Variants in ASIC4 observed in about 807,000 individuals in gnomAD.
ASIC4 encodes acid-sensing ion channel 4.
Under a neutral mutation model 53.4 loss-of-function variants are expected in ASIC4, and 28 were observed. That is an observed-to-expected ratio of 0.52 (90% CI 0.39 to 0.72). The LOEUF is 0.72. Among genes scored for constraint, ASIC4 ranks in the 30% least tolerant of loss-of-function variants. ASIC4 has a pLI of 0.00. For missense variants in ASIC4, 649 were observed against 729.7 expected (o/e 0.89, Z 1.27); for synonymous variants, 289 against 301.4 (o/e 0.96, Z 0.43).
In ASIC4 at chr2:219,531,767, C is replaced by T. The variant is rs922010300; in HGVS notation, c.592C>T (p.Arg198Cys). The T allele has an allele frequency of 1.9e-6, 3 of 1,599,158 alleles. No homozygotes were observed. Among genetic ancestry groups the T allele is most frequent in the South Asian group, 1.1e-5 (1 of 88,450 alleles). Residue 198 changes from arginine to cysteine, a missense_variant, in exon 2 of 10, where the codon CGC becomes TGC. Transcript: ENST00000358078. ...TCACCCCACCTCCCAGGTCTATACT[C>T]GCTATGGGAAGTGTTACACCTTCAA... ...SASNFSVVYTRYGKCYTFNAD... is the reference protein window; with the variant it reads ...SASNFSVVYTCYGKCYTFNAD...
chr2:219,531,716 C>A, intron 1 of ASIC4, 42 bp from the exon 2 acceptor site: 1 of 1,537,926 alleles, frequency 6.5e-7, no homozygotes, highest in Non-Finnish European at 8.8e-7. Context: ...GCCTTGGCCA[C>A]TCCTTTCATC....
chr2:219,532,283 G>C, intron 3 of ASIC4, 32 bp from the exon 4 acceptor site: 1 of 1,601,452 alleles, frequency 6.2e-7, no homozygotes, highest in South Asian at 1.1e-5. Flanking sequence ...TGGGATTCCT[G>C]AGCATGACCT....
rs115856377 is a variant in ASIC4, at chr2:219,531,760, C to T, written c.585C>T (p.Val195=). 61 of 1,591,888 alleles carry T rather than the reference C, an allele frequency of 3.8e-5. No homozygotes were observed. The African/African-American group carries it at 7.9e-4, about 21-fold the overall frequency. ...TGCTCTCTCACCCCACCTCCCAGGTCTATACTCGCTATGGGAAGTGTTACA... is the reference window on the plus strand; with the variant it reads ...TGCTCTCTCACCCCACCTCCCAGGTTTATACTCGCTATGGGAAGTGTTACA... ...HHCSASNFSV[V]YTRYGKCYTF... The change falls in exon 2 of 10, where the codon GTC becomes GTT. Residue 195 remains valine, a splice_region_variant and synonymous_variant. Transcript: ENST00000358078.
At position 219,537,385 on chromosome 2, in the gene ASIC4, C is replaced by CG. The variant is rs2105982628; in HGVS notation, c.1401+68dup. The CG allele has an allele frequency of 1.3e-6, 2 of 1,526,168 alleles. No homozygotes were observed. Among genetic ancestry groups the CG allele is most frequent in the East Asian group, 4.7e-5 (2 of 42,718 alleles). 94.5% of individuals were successfully genotyped at this position (1,526,168 alleles called of 1,614,324 possible). A position where few individuals can be genotyped will look rare whatever the true frequency, so the allele number is the denominator to read the frequency against. On this transcript the variant is annotated intron_variant, in intron 8 of 9. Transcript: ENST00000358078. The surrounding 1 kb of genome is among the most constrained non-coding windows in gnomAD (Gnocchi z 4.9). ...GTGGGCAAAGCAGAAGGGGGCAGTG[C>CG]GGGGTGCCTGGTGGAGCTGGCCTGG...
intron 1 of ASIC4, among the ~76,000 whole-genome samples, chr2:219,521,422 A>C (rs1384980720): frequency 6.6e-6 from 1 of 151,512 alleles, no homozygotes; most frequent in Non-Finnish European, 1.5e-5. Context: ...TCCTTCCTGG[A>C]CCCCCACCCC....
intron 1 of ASIC4, among the ~76,000 whole-genome samples, chr2:219,523,026 G>A (rs1347816426): frequency 1.3e-5 from 2 of 152,074 alleles, no homozygotes; most frequent in Non-Finnish European, 2.9e-5. Flanking sequence ...CTGTGTGTGC[G>A]GGAGAGGGCG....
chr2:219,510,294 C>G (rs1694684876), upstream of ASIC4, among the ~76,000 whole-genome samples: 1 of 151,962 alleles, frequency 6.6e-6, no homozygotes, highest in Non-Finnish European at 1.5e-5. This position sits in a 1 kb window ranked among gnomAD's most constrained non-coding sequence, Gnocchi z 5.2. Context: ...GCTTTCGCTG[C>G]TGCAAAGCCC....
chr2:219,514,897 G>A lies in ASIC4; in HGVS notation c.173G>A (p.Cys58Tyr). 4 of 1,612,606 alleles carry A rather than the reference G, an allele frequency of 2.5e-6. No homozygotes were observed. The highest frequency in any genetic ancestry group is 1.1e-5 in the South Asian group (1 of 91,030). Reference sequence around the variant, plus strand: ...ACCCTGCATGGACTGGGCCGGGCCTGTGGCCCAGGCCCCCACGGACTGCGC... The same window carrying A: ...ACCCTGCATGGACTGGGCCGGGCCTATGGCCCAGGCCCCCACGGACTGCGC... Reference protein sequence around the residue: ...TSTLHGLGRACGPGPHGLRRT... With the variant: ...TSTLHGLGRAYGPGPHGLRRT... The change falls in exon 1 of 10, where the codon TGT (cysteine) becomes TAT (tyrosine). Residue 58 changes from cysteine (C) to tyrosine (Y), a missense_variant. Physicochemically the swap from Cys to Tyr is radical, Grantham distance 194. Coordinates refer to ENST00000358078, the MANE Select transcript of ASIC4 (RefSeq NM_018674.6).
At position 219,538,514 on chromosome 2, in the gene ASIC4, G is replaced by A; in HGVS notation, c.*468G>A. On this transcript the variant is annotated 3_prime_UTR_variant, in exon 10 of 10. Coordinates refer to ENST00000358078, the MANE Select transcript of ASIC4 (RefSeq NM_018674.6). ...GAGCCCCAGGACTCAGGAGTGCTGGGCTGGTCCTACTTCCTGCCCCTCTCC... is the reference window on the plus strand; with the variant it reads ...GAGCCCCAGGACTCAGGAGTGCTGGACTGGTCCTACTTCCTGCCCCTCTCC... 5.7e-6 allele frequency: 1 copy of A among 174,352 alleles called. No homozygotes were observed. The highest frequency in any genetic ancestry group is 1.3e-4 in the South Asian group (1 of 7,964). 10.8% of individuals were successfully genotyped at this position (174,352 alleles called of 1,614,324 possible). A position where few individuals can be genotyped will look rare whatever the true frequency, so the allele number is the denominator to read the frequency against.
In ASIC4 at chr2:219,531,833, A is replaced by T; in HGVS notation, c.658A>T (p.Met220Leu). The T allele has an allele frequency of 6.2e-7, 1 of 1,613,834 alleles. No homozygotes were observed. Residue 220 changes from methionine (M) to leucine (L), a missense_variant, in exon 2 of 10, where the codon ATG becomes TTG. Coordinates refer to ENST00000358078, the MANE Select transcript of ASIC4 (RefSeq NM_018674.6). The part of the protein sequence containing the change: ...RSSLPSRAGG[M>L]GSGLEIMLDI... The stretch of plus-strand genomic sequence containing the variant: ...CTCGCTGCCCAGCCGGGCAGGGGGC[A>T]TGGGCAGTGGCCTGGAGATCATGCT...
rs1695138375 is a variant in ASIC4 at position 219,536,514 on chromosome 2, G to A, written c.1230-552G>A. Among the ~76,000 whole-genome samples the A allele has an allele frequency of 6.6e-6, 1 of 152,212 alleles. No homozygotes were observed. The highest frequency in any genetic ancestry group is 6.5e-5 in the Admixed American group (1 of 15,288). On this transcript the variant is annotated intron_variant, in intron 6 of 9. Coordinates refer to ENST00000358078, the MANE Select transcript of ASIC4 (RefSeq NM_018674.6). This position sits in a 1 kb window ranked among gnomAD's most constrained non-coding sequence, Gnocchi z 4.6. ...GGCCCCAGTCGGGGAGTGAAGCTGG[G>A]GAGGCGTGAGCCGGCCTCTGAGGGC...
At chr2:219,524,807 A>G (rs1402475220) in intron 1 of ASIC4, among the ~76,000 whole-genome samples, 1 of 152,182 alleles carries the variant, frequency 6.6e-6, no homozygotes, top group African/African-American at 2.4e-5. Flanking sequence ...GCCGCTCCCA[A>G]ATTGCAGAGA....
intron 5 of ASIC4, among the ~76,000 whole-genome samples, chr2:219,534,590 C>CA (rs1258594135): frequency 2.6e-5 from 4 of 152,174 alleles, no homozygotes; most frequent in African/African-American, 9.7e-5. Flanking sequence ...AGCCAGAGGA[C>CA]AAGGGAGTTT....
chr2:219,534,417 G>A (rs1695094233), intron 5 of ASIC4, among the ~76,000 whole-genome samples: 1 of 152,356 alleles, frequency 6.6e-6, no homozygotes, highest in South Asian at 2.1e-4. Context: ...AGAGACCTGT[G>A]GCTGTCCGAG....
chr2:219,532,196 G>A (rs766790420), intron 3 of ASIC4, 68 bp downstream of exon 3: 2 of 1,605,604 alleles, frequency 1.2e-6, no homozygotes, highest in South Asian at 2.2e-5. Context: ...GGGATGTGGA[G>A]CAAACCTGCC....
At chr2:219,510,805 C>T (rs998287244), upstream of ASIC4, among the ~76,000 whole-genome samples, 26 of 152,170 alleles carry the variant, frequency 1.7e-4, no homozygotes, top group Admixed American at 4.6e-4. The surrounding 1 kb of genome is among the most constrained non-coding windows in gnomAD (Gnocchi z 5.2). Flanking sequence ...GACGCTAACC[C>T]TCTTCAGTCG....
chr2:219,535,439 G>GTA, intron 6 of ASIC4, 115 bp downstream of exon 6: 1 of 825,222 alleles, frequency 1.2e-6, no homozygotes, highest in South Asian at 2.1e-5. Flanking sequence ...GTATGTGTTT[G>GTA]TGTGTATGTG....
Position 219,538,253 on chromosome 2 carries a change from C to G in ASIC4, c.*207C>G, listed in dbSNP as rs1011632504. On this transcript the variant is annotated 3_prime_UTR_variant, in exon 10 of 10. Transcript: ENST00000358078. ...CACCCCTTATCCCCAGGCTGGTGCC[C>G]CGGGAGGGCTGGAGACCAGGCCATG... 1 of 582,736 alleles carries G rather than the reference C, an allele frequency of 1.7e-6. No homozygotes were observed. Among genetic ancestry groups the G allele is most frequent in the Non-Finnish European group, 3.0e-6 (1 of 328,496 alleles). The allele number at this position is 582,736 out of a possible 1,614,324, so 36.1% of individuals were successfully genotyped here.
intron 1 of ASIC4, among the ~76,000 whole-genome samples, chr2:219,520,243 T>A (rs990273672): frequency 7.9e-5 from 12 of 151,972 alleles, no homozygotes; most frequent in Admixed American, 2.0e-4. Flanking sequence ...TCTCTACTAA[T>A]CAGGCACAAT....
Sources: allele counts gnomAD v4.1 joint callset (sites outside exome capture counted in the v4.1 genomes callset), GRCh38; gene constraint gnomAD v4.1.1; non-coding constraint Gnocchi (gnomAD v3.1); transcripts MANE v1.5; gene names NCBI Gene and HGNC (gene_info 2026-07-23, HGNC 2026-07-21).